The following ZNF536 variants were observed in gnomAD, a reference collection of about 807,000 sequenced individuals.
ZNF536 encodes the protein zinc finger protein 536.
A neutral mutation model predicts 84.5 loss-of-function variants in ZNF536; 13 were observed. The observed-to-expected ratio is 0.15, with a 90% CI of 0.10 to 0.24. The LOEUF is 0.24. Among genes scored for constraint, ZNF536 ranks in the 10% least tolerant of loss-of-function variants. The pLI is 1.00. For synonymous variants in ZNF536, 811 were observed against 742.5 expected (o/e 1.09, Z -1.50); for missense variants, 1,536 against 1,747.5 (o/e 0.88, Z 2.16).
intron 1 of ZNF536, among the ~76,000 whole-genome samples, chr19:30,433,129 G>C (rs903666814): frequency 6.6e-6 from 1 of 152,120 alleles, no homozygotes; most frequent in African/African-American, 2.4e-5. Context: ...TATACATTTT[G>C]TACATGCTGA....
rs185735618 is a variant in ZNF536 at position 30,246,965 on chromosome 19, C to T, written c.-190+18292C>T. Among the ~76,000 whole-genome samples, 4 of 152,264 alleles carry T rather than the reference C, an allele frequency of 2.6e-5. No individual in the cohort carries two copies. In the East Asian group the frequency reaches 5.8e-4, roughly 22 times the overall value. On this transcript the variant is annotated intron_variant, in intron 1 of 5. Coordinates refer to the ZNF536 transcript ENST00000585628. ...ATGTAGAAACTAAGAAATCCCTTGG[C>T]GTTGTGATTCTTGGTGATGACCTAT...
At chr19:30,522,151 G>A (rs1396698400) in intron 2 of ZNF536, among the ~76,000 whole-genome samples, 1 of 150,218 alleles carries the variant, frequency 6.7e-6, no homozygotes, top group Non-Finnish European at 1.5e-5. Context: ...CCTCTGCTCT[G>A]TGGCCTGAGC....
intron 3 of ZNF536, among the ~76,000 whole-genome samples, chr19:30,540,626 G>A (rs1297531468): frequency 6.6e-6 from 1 of 152,174 alleles, no homozygotes; most frequent in East Asian, 1.9e-4. Flanking sequence ...ATCCCATCCC[G>A]GAGTTGTCCA....
intron 1 of ZNF536, among the ~76,000 whole-genome samples, chr19:30,692,578 G>T (rs2051455816): frequency 6.6e-6 from 1 of 152,206 alleles, no homozygotes; most frequent in Admixed American, 6.5e-5. Context: ...TACTGTTTTT[G>T]CCTGAAGGGC....
chr19:30,486,836 T>C (rs2054320212), intron 2 of ZNF536, among the ~76,000 whole-genome samples: 1 of 152,220 alleles, frequency 6.6e-6, no homozygotes, highest in Non-Finnish European at 1.5e-5. Flanking sequence ...TTGGACTTGG[T>C]CCTAGTACTC....
chr19:30,371,555 CTTGTTTTTTTTTTT>C (rs1012876662), upstream of ZNF536, among the ~76,000 whole-genome samples: 3 of 119,690 alleles, frequency 2.5e-5, no homozygotes, highest in Non-Finnish European at 3.4e-5. Flanking sequence ...TTTGTCTTTT[CTTGTTTTTTTTTTT>C]TTGTTTTTTT....
chr19:30,516,681 G>A (rs887578287), intron 2 of ZNF536, among the ~76,000 whole-genome samples: 12 of 152,186 alleles, frequency 7.9e-5, no homozygotes, highest in African/African-American at 2.7e-4. Context: ...CTCTTGGTAA[G>A]TAGGCTGGAA....
At chr19:30,518,865 T>C (rs2044199454) in intron 2 of ZNF536, among the ~76,000 whole-genome samples, 1 of 150,928 alleles carries the variant, frequency 6.6e-6, no homozygotes, top group Non-Finnish European at 1.5e-5. Flanking sequence ...GGCAGAGGGA[T>C]GGGGGTGCAG....
chr19:30,449,837 A>G (rs532147944), intron 2 of ZNF536, among the ~76,000 whole-genome samples: 21 of 152,182 alleles, frequency 1.4e-4, no homozygotes, highest in Non-Finnish European at 3.1e-4. Flanking sequence ...CTGGGTCTCC[A>G]TCCCATTGAC....
At chr19:30,565,799 C>T (rs551881278) in intron 1 of ZNF536, among the ~76,000 whole-genome samples, 9 of 152,272 alleles carry the variant, frequency 5.9e-5, no homozygotes, top group Admixed American at 2.6e-4. Flanking sequence ...GGGGGCCCCT[C>T]TGAGCCTCAG....
At chr19:30,348,919 G>C (rs1410187829) in intron 2 of ZNF536, among the ~76,000 whole-genome samples, 1 of 151,314 alleles carries the variant, frequency 6.6e-6, no homozygotes, top group Non-Finnish European at 1.5e-5. Flanking sequence ...ACAAATGATT[G>C]TGTATGAATC....
intron 2 of ZNF536, among the ~76,000 whole-genome samples, chr19:30,349,999 G>GA (rs936354704): frequency 2.0e-5 from 3 of 147,810 alleles, no homozygotes; most frequent in Non-Finnish European, 4.5e-5. Context: ...TCCGAAAGTT[G>GA]TTTTTTTTTT....
chr19:30,599,764 A>G (rs1286353947), intron 1 of ZNF536, among the ~76,000 whole-genome samples: 1 of 152,192 alleles, frequency 6.6e-6, no homozygotes, highest in Admixed American at 6.5e-5. Context: ...GGTTCTGTAC[A>G]TTTCACAAAG....
At chr19:30,606,405 G>A (rs2047893541) in intron 1 of ZNF536, among the ~76,000 whole-genome samples, 1 of 152,120 alleles carries the variant, frequency 6.6e-6, no homozygotes, top group Admixed American at 6.5e-5. Flanking sequence ...GCTTTCAGCT[G>A]TCACGGGCAA....
chr19:30,321,014 C>G (rs1484547413), intron 2 of ZNF536, among the ~76,000 whole-genome samples: 1 of 152,192 alleles, frequency 6.6e-6, no homozygotes, highest in Non-Finnish European at 1.5e-5. Flanking sequence ...TCCAGTGACA[C>G]AGAAAAATGC....
chr19:30,393,061 A>T (rs765996102), intron 1 of ZNF536, among the ~76,000 whole-genome samples: 1 of 152,152 alleles, frequency 6.6e-6, no homozygotes, highest in Non-Finnish European at 1.5e-5. Context: ...GTCTCTGGGG[A>T]GCAGTCATGC....
intron 1 of ZNF536, among the ~76,000 whole-genome samples, chr19:30,602,346 A>G (rs1157882021): frequency 2.0e-5 from 3 of 152,160 alleles, no homozygotes; most frequent in African/African-American, 7.2e-5. Flanking sequence ...AAGCTGGTGG[A>G]GATTATATGG....
chr19:30,417,684 C>T (rs1049245474), intron 1 of ZNF536, among the ~76,000 whole-genome samples: 16 of 152,158 alleles, frequency 1.1e-4, no homozygotes, highest in Middle Eastern at 3.2e-3. Flanking sequence ...GATGGGGCAT[C>T]TTTGCATCTT....
chr19:30,532,122 CT>C (rs370513505), intron 2 of ZNF536, among the ~76,000 whole-genome samples: 15,462 of 147,768 alleles, frequency 0.1, 971 homozygotes, highest in Non-Finnish European at 0.15. Flanking sequence ...AATTACCCTT[CT>C]TTTTTTTTTT....
Sources: gnomAD v4.1 joint callset for allele counts (sites outside exome capture counted in the v4.1 genomes callset) on GRCh38, gnomAD v4.1.1 for gene constraint, MANE v1.5 for transcripts, NCBI Gene and HGNC (gene_info 2026-07-23, HGNC 2026-07-21) for gene names.